Variants in CCDC60 observed in about 807,000 individuals in gnomAD.
CCDC60 encodes the protein coiled-coil domain containing 60.
CCDC60 carries 54 observed loss-of-function variants against 63.5 expected under a neutral mutation model. The ratio of observed to expected loss-of-function variants is 0.85; its 90% CI spans 0.68 to 1.07. The LOEUF (loss-of-function observed/expected upper bound fraction) is 1.07, where lower values mean the gene tolerates loss of function less well. Among genes scored for constraint, CCDC60 ranks in the 50% least tolerant of loss-of-function variants. The pLI is 0.00. For synonymous variants in CCDC60, 206 were observed against 238.8 expected (o/e 0.86, Z 1.27); for missense variants, 651 against 684.3 (o/e 0.95, Z 0.54).
At chr12:119,418,620 G>A (rs2136213583) in intron 1 of CCDC60, among the ~76,000 whole-genome samples, 1 of 151,678 alleles carries the variant, frequency 6.6e-6, no homozygotes, top group South Asian at 2.1e-4. Flanking sequence ...TCACCATGTT[G>A]GTCAGGCTGG....
At chr12:119,376,491 G>C (rs1396457242) in intron 1 of CCDC60, among the ~76,000 whole-genome samples, 6 of 152,094 alleles carry the variant, frequency 3.9e-5, no homozygotes, top group African/African-American at 1.4e-4. Context: ...TGTCAGGCAT[G>C]GTGGCACGCA....
At chr12:119,365,077 C>G (rs968805793) in intron 1 of CCDC60, among the ~76,000 whole-genome samples, 1 of 152,138 alleles carries the variant, frequency 6.6e-6, no homozygotes, top group Non-Finnish European at 1.5e-5. Flanking sequence ...CTCAGAACAC[C>G]TGTGAGAAGT....
chr12:119,487,768 T>C (rs1020200338), intron 4 of CCDC60, among the ~76,000 whole-genome samples: 2 of 152,164 alleles, frequency 1.3e-5, no homozygotes, highest in African/African-American at 4.8e-5. Context: ...GTGTATAAAG[T>C]GCCCCCATCA....
At chr12:119,479,031 G>A in intron 3 of CCDC60, 63 bp from the exon 4 acceptor site, 2 of 1,130,150 alleles carry the variant, frequency 1.8e-6, no homozygotes, top group Non-Finnish European at 2.7e-6. Context: ...CGTGGCAAGA[G>A]AAGAAGGTGT....
chr12:119,504,408 A>G (rs1951937588), intron 6 of CCDC60, among the ~76,000 whole-genome samples: 1 of 151,772 alleles, frequency 6.6e-6, no homozygotes, highest in Admixed American at 6.6e-5. Context: ...TTCCCTACCT[A>G]CCTCTCAATT....
chr12:119,397,033 C>T (rs2136211003), intron 1 of CCDC60, among the ~76,000 whole-genome samples: 1 of 152,284 alleles, frequency 6.6e-6, no homozygotes, highest in East Asian at 1.9e-4. Flanking sequence ...TGCAGACCTT[C>T]ACAGTGCATT....
In CCDC60 at chr12:119,513,260, C is replaced by T. The variant is rs143111849; in HGVS notation, c.884-3363C>T. Reference sequence around the variant, plus strand: ...TCTTGAGGCACGTAACTTACTCCATCTCTATTTCATTTTCCAACTTTTTGG... The same window carrying T: ...TCTTGAGGCACGTAACTTACTCCATTTCTATTTCATTTTCCAACTTTTTGG... On this transcript the variant is annotated intron_variant, in intron 7 of 13. Transcript: ENST00000327554. Among the ~76,000 whole-genome samples, 395 of 152,308 alleles carry T rather than the reference C, an allele frequency of 2.6e-3. 4 individuals are homozygous for T. The highest frequency in any genetic ancestry group is 2.6e-3 in the Non-Finnish European group (180 of 68,030).
At chr12:119,401,960 A>G (rs1451329872) in intron 1 of CCDC60, among the ~76,000 whole-genome samples, 1 of 152,254 alleles carries the variant, frequency 6.6e-6, no homozygotes, top group Non-Finnish European at 1.5e-5. Context: ...TGTAACAATT[A>G]CATTCACAAT....
chr12:119,446,944 A>G (rs1419899523), intron 2 of CCDC60, among the ~76,000 whole-genome samples: 1 of 152,116 alleles, frequency 6.6e-6, no homozygotes, highest in African/African-American at 2.4e-5. Context: ...GCCTTCTACT[A>G]AGCTCCTGCT....
intron 1 of CCDC60, among the ~76,000 whole-genome samples, chr12:119,379,287 C>T (rs545960628): frequency 2.8e-4 from 42 of 152,320 alleles, no homozygotes; most frequent in African/African-American, 9.9e-4. Context: ...ATATATAGAA[C>T]ATCATTTTCC....
chr12:119,469,344 A>G (rs1165983653), intron 2 of CCDC60, among the ~76,000 whole-genome samples: 1 of 151,996 alleles, frequency 6.6e-6, no homozygotes, highest in Non-Finnish European at 1.5e-5. Context: ...CCTCCTTGCA[A>G]ACTCCGCCTC....
At chr12:119,458,510 T>A (rs904490143) in intron 2 of CCDC60, among the ~76,000 whole-genome samples, 1 of 152,206 alleles carries the variant, frequency 6.6e-6, no homozygotes, top group Non-Finnish European at 1.5e-5. Context: ...ATGCCCCCCA[T>A]AATAGAAAGG....
intron 7 of CCDC60, among the ~76,000 whole-genome samples, chr12:119,508,221 G>A (rs546725128): frequency 5.3e-5 from 8 of 152,016 alleles, no homozygotes; most frequent in East Asian, 1.9e-4. Context: ...GGTAGCTCAC[G>A]CCTGTAATCC....
Position 119,428,700 on chromosome 12 carries a change from G to A in CCDC60, c.108G>A (p.Met36Ile), listed in dbSNP as rs757415440. The change falls in exon 2 of 14, where the codon ATG becomes ATA. Residue 36 changes from methionine (M) to isoleucine (I), a missense_variant. Coordinates refer to ENST00000327554, the MANE Select transcript of CCDC60 (RefSeq NM_178499.5). ...CTCATCAGGTCCCAGACAAGCCAAT[G>A]AAGAGCATCAAGTATATGGACAAGG... is the stretch of plus-strand genomic sequence containing the variant. ...ENLRQVPDKP[M>I]KSIKYMDKEI... The A allele has an allele frequency of 7.5e-6, 12 of 1,605,844 alleles. No homozygotes were observed. In the African/African-American group the frequency reaches 1.2e-4, roughly 16 times the overall value.
chr12:119,416,786 C>A (rs1328792319), intron 1 of CCDC60, among the ~76,000 whole-genome samples: 4 of 152,062 alleles, frequency 2.6e-5, no homozygotes, highest in African/African-American at 7.2e-5. Context: ...AATTTCCCCA[C>A]AAATCAAGGG....
chr12:119,505,271 C>T lies in CCDC60; in HGVS notation c.851C>T (p.Ser284Leu), dbSNP rs970650146. 1.9e-6 allele frequency: 3 copies of T among 1,611,592 alleles called. No individual in the cohort carries two copies. In the African/African-American group the frequency reaches 4.0e-5, roughly 22 times the overall value. The change falls in exon 7 of 14, where the codon TCA (serine) becomes TTA (leucine). Residue 284 changes from serine (S) to leucine (L), a missense_variant. Coordinates refer to ENST00000327554, the MANE Select transcript of CCDC60 (RefSeq NM_178499.5). ...GACATTGAGGACAATGAGTCATCTTCAACCAAGCCAGATGAAGAACCTCTG... is the reference window on the plus strand; with the variant it reads ...GACATTGAGGACAATGAGTCATCTTTAACCAAGCCAGATGAAGAACCTCTG... ...SKDIEDNESS[S>L]TKPDEEPLYM... is the part of the protein sequence containing the mutation.
At chr12:119,360,471 CGG>C (rs1955772529) in intron 1 of CCDC60, among the ~76,000 whole-genome samples, 1 of 150,994 alleles carries the variant, frequency 6.6e-6, no homozygotes, top group African/African-American at 2.4e-5. Flanking sequence ...GGCTGCCGGG[CGG>C]AGAGGCTCCT....
At chr12:119,513,108 T>C (rs1202871949) in intron 7 of CCDC60, among the ~76,000 whole-genome samples, 1 of 152,160 alleles carries the variant, frequency 6.6e-6, no homozygotes, top group Non-Finnish European at 1.5e-5. Flanking sequence ...GAAAAAGCGG[T>C]CCCAAAGCTC....
At chr12:119,397,256 C>A (rs1423520093) in intron 1 of CCDC60, among the ~76,000 whole-genome samples, 7 of 152,174 alleles carry the variant, frequency 4.6e-5, no homozygotes, top group Non-Finnish European at 1.0e-4. Flanking sequence ...CTTCCATGAT[C>A]TGAAAAGGGA....
Sources: allele counts gnomAD v4.1 joint callset (sites outside exome capture counted in the v4.1 genomes callset), GRCh38; gene constraint gnomAD v4.1.1; transcripts MANE v1.5; gene names NCBI Gene and HGNC (gene_info 2026-07-23, HGNC 2026-07-21).